The following AGBL1 variants were observed in gnomAD, a reference collection of about 807,000 sequenced individuals.
AGBL1 encodes the protein cytosolic carboxypeptidase 4.
AGBL1 carries 130 observed loss-of-function variants against 118.9 expected under a neutral mutation model. The ratio of observed to expected loss-of-function variants is 1.09; its 90% confidence interval spans 0.95 to 1.26. The LOEUF is 1.26. AGBL1 is among the 50% of genes most tolerant of loss of function. The pLI, the probability that AGBL1 is intolerant of heterozygous loss-of-function variation, is 0.00. For synonymous variants in AGBL1, 555 were observed against 478.9 expected, an observed-to-expected ratio of 1.16 and a Z score of -2.08; for missense variants, 1,584 against 1,298.1, an observed-to-expected ratio of 1.22 and a Z score of -3.38.
intron 17 of AGBL1, among the ~76,000 whole-genome samples, chr15:86,391,607 G>A (rs1035189621): frequency 1.0e-3 from 141 of 138,290 alleles, no homozygotes; most frequent in African/African-American, 3.6e-3. Context: ...AAGAAGCCCC[G>A]TCTGATCATA....
At chr15:86,980,408 C>G (rs548541481) in intron 23 of AGBL1, among the ~76,000 whole-genome samples, 2 of 152,162 alleles carry the variant, frequency 1.3e-5, no homozygotes, top group Non-Finnish European at 2.9e-5. Flanking sequence ...ATATCAATGT[C>G]AGAGTCAGAT....
rs1011711265 is a variant in AGBL1 at position 86,799,982 on chromosome 15, C to G, written c.3159-107105C>G. Among the ~76,000 whole-genome samples, 4 of 152,132 alleles carry G rather than the reference C, an allele frequency of 2.6e-5. No homozygotes were observed. The East Asian group carries it at 5.8e-4, about 22-fold the overall frequency. ...ATGCAGCTTAATACATTCTGGAACC[C>G]GGGCTTCTCAAAATAGCAAGTCCCT... is the stretch of plus-strand genomic sequence containing the variant. On this transcript the variant is annotated intron_variant, in intron 22 of 22. Coordinates refer to ENST00000614907, the MANE Select transcript of AGBL1 (RefSeq NM_001386094.1).
intron 22 of AGBL1, among the ~76,000 whole-genome samples, chr15:86,755,966 A>G (rs1295506888): frequency 2.6e-5 from 4 of 152,108 alleles, no homozygotes; most frequent in Non-Finnish European, 4.4e-5. Flanking sequence ...ACAATGAAAA[A>G]AGATGGCTAG....
At chr15:87,027,389 A>C (rs539465496) in intron 24 of AGBL1, among the ~76,000 whole-genome samples, 1 of 151,962 alleles carries the variant, frequency 6.6e-6, no homozygotes, top group Non-Finnish European at 1.5e-5. Context: ...CAAAGACAGG[A>C]GGCAGAAATA....
chr15:87,024,924 C>T (rs1596753926), intron 24 of AGBL1, among the ~76,000 whole-genome samples: 2 of 152,074 alleles, frequency 1.3e-5, no homozygotes, highest in East Asian at 3.9e-4. Context: ...TGACAAAATC[C>T]AGCATCCCTT....
chr15:86,159,156 T>C, intron 5 of AGBL1, 130 bp downstream of exon 5: 2 of 821,624 alleles, frequency 2.4e-6, no homozygotes, highest in Non-Finnish European at 4.0e-6. Context: ...TATGGTACCA[T>C]GTCTTTATCC....
chr15:86,770,593 C>T (rs2078162864), intron 22 of AGBL1, among the ~76,000 whole-genome samples: 1 of 151,872 alleles, frequency 6.6e-6, no homozygotes, highest in South Asian at 2.1e-4. Context: ...AGTGTCTCAC[C>T]GAAGGATGGC....
intron 22 of AGBL1, among the ~76,000 whole-genome samples, chr15:86,727,418 T>G (rs931471417): frequency 6.6e-6 from 1 of 152,214 alleles, no homozygotes; most frequent in African/African-American, 2.4e-5. Flanking sequence ...CATTAATTTT[T>G]TTTAAATTTT....
chr15:86,444,900 C>G (rs2083018906), intron 18 of AGBL1, among the ~76,000 whole-genome samples: 2 of 152,074 alleles, frequency 1.3e-5, no homozygotes, highest in Non-Finnish European at 2.9e-5. Context: ...TTTGGTTTCC[C>G]ACAAAGTTGT....
chr15:86,981,384 T>C (rs2081230519), intron 23 of AGBL1, among the ~76,000 whole-genome samples: 1 of 152,240 alleles, frequency 6.6e-6, no homozygotes, highest in South Asian at 2.1e-4. Context: ...GTCATTGTTT[T>C]TCAAACTTTG....
chr15:86,182,267 T>C (rs1240153445), intron 5 of AGBL1, among the ~76,000 whole-genome samples: 3 of 152,000 alleles, frequency 2.0e-5, no homozygotes, highest in African/African-American at 4.8e-5. Flanking sequence ...TTCTCTCTGC[T>C]CCTCTTCCTC....
intron 22 of AGBL1, among the ~76,000 whole-genome samples, chr15:86,772,225 G>T (rs2078192298): frequency 6.6e-6 from 1 of 151,976 alleles, no homozygotes; most frequent in Non-Finnish European, 1.5e-5. Flanking sequence ...TTGGGAACCT[G>T]ACCCAGACTT....
At chr15:86,640,475 T>A (rs2085172576) in intron 21 of AGBL1, among the ~76,000 whole-genome samples, 1 of 152,218 alleles carries the variant, frequency 6.6e-6, no homozygotes, top group African/African-American at 2.4e-5. Flanking sequence ...CATAGATTTG[T>A]GTATAGGTAG....
intron 17 of AGBL1, among the ~76,000 whole-genome samples, chr15:86,337,905 G>A (rs558263748): frequency 7.9e-5 from 12 of 152,294 alleles, no homozygotes; most frequent in South Asian, 2.1e-4. Context: ...AAAGATGCAT[G>A]TAGGGTATTA....
chr15:86,871,612 G>A lies in AGBL1; in HGVS notation c.3159-35475G>A, dbSNP rs80033737. Among the ~76,000 whole-genome samples, 1,285 of 152,208 alleles carry A rather than the reference G, an allele frequency of 8.4e-3. 25 individuals are homozygous for A. Among genetic ancestry groups the A allele is most frequent in the African/African-American group, 0.029 (1,213 of 41,526 alleles). On this transcript the variant is annotated intron_variant, in intron 22 of 22. Transcript: ENST00000614907. ...CCTTAAGATGGTTAACTGCCTCATT[G>A]CCTCAGACTTGGGGTCCCCTGGCCT...
At chr15:86,388,647 G>A (rs975429923) in intron 17 of AGBL1, among the ~76,000 whole-genome samples, 2 of 151,970 alleles carry the variant, frequency 1.3e-5, no homozygotes, top group African/African-American at 4.8e-5. Flanking sequence ...ATCATATTTT[G>A]TCTCAATAAG....
intron 17 of AGBL1, among the ~76,000 whole-genome samples, chr15:86,391,809 C>T (rs746077556): frequency 1.4e-4 from 22 of 151,750 alleles, no homozygotes; most frequent in Non-Finnish European, 2.9e-4. Flanking sequence ...CACATTAAAC[C>T]ATTTCATTTT....
At chr15:86,306,095 AT>A (rs1391888315) in intron 17 of AGBL1, among the ~76,000 whole-genome samples, 1 of 152,288 alleles carries the variant, frequency 6.6e-6, no homozygotes, top group African/African-American at 2.4e-5. Flanking sequence ...CAGGCACACA[AT>A]GTGAAATAAG....
At chr15:86,713,381 A>T (rs2086590176) in intron 22 of AGBL1, among the ~76,000 whole-genome samples, 1 of 152,138 alleles carries the variant, frequency 6.6e-6, no homozygotes, top group Non-Finnish European at 1.5e-5. Context: ...CTTACTTTCT[A>T]AAATATACAA....
Sources: allele counts gnomAD v4.1 joint callset (sites outside exome capture counted in the v4.1 genomes callset), GRCh38; gene constraint gnomAD v4.1.1; transcripts MANE v1.5; gene names NCBI Gene and HGNC (gene_info 2026-07-23, HGNC 2026-07-21).